ASTN2: variants seen among roughly 807,000 people sequenced by gnomAD.
ASTN2 encodes astrotactin-2.
A neutral mutation model predicts 139.8 loss-of-function variants in ASTN2; 54 were observed. That is an observed-to-expected ratio of 0.39 (90% CI 0.31 to 0.48). ASTN2 has a LOEUF of 0.48. Ranked by LOEUF, ASTN2 falls within the 20% of genes least tolerant of loss-of-function variation. The pLI is 0.95. For synonymous variants in ASTN2, 756 were observed against 719.5 expected (o/e 1.05, Z -0.81); for missense variants, 1,565 against 1,725.1 (o/e 0.91, Z 1.64).
chr9:116,442,470 T>A lies in ASTN2; in HGVS notation c.3581A>T (p.Asp1194Val), dbSNP rs1323524520. The A allele has an allele frequency of 6.2e-6, 10 of 1,614,126 alleles. No homozygotes were observed. The highest frequency in any genetic ancestry group is 8.5e-6 in the Non-Finnish European group (10 of 1,180,032). Residue 1194 changes from aspartate (D) to valine (V), a missense_variant, in exon 21 of 23, where the codon GAT (aspartate) becomes GTT (valine). Physicochemically the swap from Asp to Val is radical, Grantham distance 152 (BLOSUM62 -3). Around this residue, in one of 4 missense-constraint regions of ASTN2, gnomAD observed 418 missense variants for 465.8 expected, o/e 0.90. Transcript: ENST00000313400. ...TTACCTACCTTCTGCCTTGTTGTCATCTACCAGTGGACAGGCCGTCCTCAG... is the reference window on the plus strand; with the variant it reads ...TTACCTACCTTCTGCCTTGTTGTCAACTACCAGTGGACAGGCCGTCCTCAG... ...VTLRTACPLV[D>V]DNKAEEIADK...
At chr9:117,149,147 G>T (rs1035743823) in intron 3 of ASTN2, among the ~76,000 whole-genome samples, 1 of 152,000 alleles carries the variant, frequency 6.6e-6, no homozygotes, top group Non-Finnish European at 1.5e-5. Context: ...AGACTCCCGA[G>T]TAGCTGGGAT....
chr9:117,283,125 C>T (rs972442276), intron 2 of ASTN2, among the ~76,000 whole-genome samples: 2 of 152,086 alleles, frequency 1.3e-5, no homozygotes, highest in Admixed American at 6.5e-5. Flanking sequence ...TTTCTATAGC[C>T]GGTATGTGGA....
chr9:117,167,768 A>G (rs1830701527), intron 3 of ASTN2, among the ~76,000 whole-genome samples: 1 of 152,160 alleles, frequency 6.6e-6, no homozygotes, highest in African/African-American at 2.4e-5. Context: ...AAGTAATTTC[A>G]TGAATGCCAT....
intron 10 of ASTN2, among the ~76,000 whole-genome samples, chr9:116,925,123 T>C (rs554551064): frequency 1.1e-4 from 17 of 152,272 alleles, no homozygotes; most frequent in Non-Finnish European, 2.2e-4. Context: ...ATATTTGCTT[T>C]CTTAATATAA....
At chr9:116,791,611 T>C (rs1212672925) in intron 13 of ASTN2, among the ~76,000 whole-genome samples, 1 of 152,222 alleles carries the variant, frequency 6.6e-6, no homozygotes, top group African/African-American at 2.4e-5. Flanking sequence ...AAACAATCAC[T>C]GTGCTAATTA....
chr9:116,787,435 T>C (rs1200824382), intron 13 of ASTN2, among the ~76,000 whole-genome samples: 2 of 152,200 alleles, frequency 1.3e-5, no homozygotes, highest in Non-Finnish European at 2.9e-5. Flanking sequence ...AATGTAATCA[T>C]CAAGGAAGAC....
intron 1 of ASTN2, among the ~76,000 whole-genome samples, chr9:117,357,400 C>T (rs889068659): frequency 6.6e-6 from 1 of 152,056 alleles, no homozygotes; most frequent in Admixed American, 6.6e-5. Flanking sequence ...AGATTATCAC[C>T]GTGGCCACTG....
chr9:116,868,004 T>C (rs1564313761), intron 10 of ASTN2, among the ~76,000 whole-genome samples: 2 of 152,008 alleles, frequency 1.3e-5, no homozygotes, highest in Non-Finnish European at 2.9e-5. Flanking sequence ...GCCCCAATCT[T>C]GGGGCGGGGA....
intron 20 of ASTN2, among the ~76,000 whole-genome samples, chr9:116,481,989 C>T (rs1200620841): frequency 6.6e-6 from 1 of 152,166 alleles, no homozygotes; most frequent in Non-Finnish European, 1.5e-5. Flanking sequence ...TGATCACTCC[C>T]TTAAGCTCTA....
intron 1 of ASTN2, among the ~76,000 whole-genome samples, chr9:117,398,099 C>T (rs553047014): frequency 3.3e-5 from 5 of 151,968 alleles, no homozygotes; most frequent in Middle Eastern, 3.4e-3. Context: ...TGTGTGTGTG[C>T]ATCTTTATGT....
At chr9:116,805,109 AGTGT>A (rs10681699) in intron 13 of ASTN2, among the ~76,000 whole-genome samples, 69 of 143,118 alleles carry the variant, frequency 4.8e-4, no homozygotes, top group Admixed American at 1.5e-3. Context: ...GGATTTGGGG[AGTGT>A]GTGTGTGTGT....
At chr9:116,932,277 T>A (rs539597525) in intron 10 of ASTN2, among the ~76,000 whole-genome samples, 1 of 152,250 alleles carries the variant, frequency 6.6e-6, no homozygotes, top group African/African-American at 2.4e-5. Context: ...CATCTAACAA[T>A]GGAGACAGAC....
chr9:117,061,595 A>G (rs1364719610), intron 5 of ASTN2, among the ~76,000 whole-genome samples: 1 of 152,118 alleles, frequency 6.6e-6, no homozygotes, highest in African/African-American at 2.4e-5. Flanking sequence ...AACACGTGGG[A>G]GGGAGTCAAA....
At chr9:116,467,452 A>G (rs1209981055) in intron 20 of ASTN2, among the ~76,000 whole-genome samples, 2 of 152,166 alleles carry the variant, frequency 1.3e-5, no homozygotes, top group Admixed American at 1.3e-4. Context: ...TTTTTAATAG[A>G]GACAAGGTTT....
intron 13 of ASTN2, among the ~76,000 whole-genome samples, chr9:116,753,566 T>C (rs116116741): frequency 2.5e-4 from 38 of 152,286 alleles, no homozygotes; most frequent in African/African-American, 8.9e-4. Context: ...ACAACACTAA[T>C]GCATGGTGAA....
At chr9:116,724,313 C>T (rs1310931117) in intron 16 of ASTN2, among the ~76,000 whole-genome samples, 3 of 152,148 alleles carry the variant, frequency 2.0e-5, no homozygotes, top group South Asian at 2.1e-4. Flanking sequence ...AGCCATAAAA[C>T]GGAGCTATTC....
At chr9:116,942,444 C>A (rs950880062) in intron 10 of ASTN2, among the ~76,000 whole-genome samples, 1 of 152,128 alleles carries the variant, frequency 6.6e-6, no homozygotes, top group African/African-American at 2.4e-5. Flanking sequence ...GTCATTGGCC[C>A]GGGGAGTCCT....
At chr9:117,306,252 C>G (rs889804608) in intron 1 of ASTN2, among the ~76,000 whole-genome samples, 1 of 152,172 alleles carries the variant, frequency 6.6e-6, no homozygotes, top group African/African-American at 2.4e-5. Context: ...GAGAGCGTTT[C>G]CTGCACCAAG....
At chr9:117,234,873 T>G (rs1832999158) in intron 2 of ASTN2, among the ~76,000 whole-genome samples, 1 of 152,158 alleles carries the variant, frequency 6.6e-6, no homozygotes. Context: ...TGTTTAAAGG[T>G]GATCCATATA....
Sources: allele counts gnomAD v4.1 joint callset (sites outside exome capture counted in the v4.1 genomes callset), GRCh38; gene constraint gnomAD v4.1.1; regional missense constraint gnomAD v4.1.1; transcripts MANE v1.5; gene names NCBI Gene and HGNC (gene_info 2026-07-23, HGNC 2026-07-21).